The following SNX1 variants were observed in gnomAD, a reference collection of about 807,000 sequenced individuals.
SNX1 encodes sorting nexin 1.
Under a neutral mutation model 71.8 loss-of-function variants are expected in SNX1, and 36 were observed. That is an observed-to-expected ratio of 0.50 (90% CI 0.38 to 0.66). The LOEUF (loss-of-function observed/expected upper bound fraction) is 0.66, where lower values mean the gene tolerates loss of function less well. Ranked by LOEUF, SNX1 falls within the 30% of genes least tolerant of loss-of-function variation. SNX1 has a pLI of 0.00. For synonymous variants in SNX1, 254 were observed against 240.7 expected (o/e 1.06, Z -0.51); for missense variants, 612 against 646.7 (o/e 0.95, Z 0.58).
Position 64,134,854 on chromosome 15 carries a change from A to G in SNX1, c.1365+47A>G. 1 of 1,606,678 alleles carries G rather than the reference A, an allele frequency of 6.2e-7. No individual in the cohort carries two copies. Among genetic ancestry groups the G allele is most frequent in the South Asian group, 1.1e-5 (1 of 89,968 alleles). ...AGCCAGGGGTGTTCTGCTGGTTCCA[A>G]ATGAACCCAGGGCCCATCCCACCCA... is the stretch of plus-strand genomic sequence containing the variant. On this transcript the variant is annotated intron_variant, in intron 12 of 14. Transcript: ENST00000559844. The surrounding 1 kb of genome is among the most constrained non-coding windows in gnomAD (Gnocchi z 4.1).
chr15:64,119,738 A>G (rs1325952138), intron 4 of SNX1, among the ~76,000 whole-genome samples: 2 of 35,650 alleles, frequency 5.6e-5, no homozygotes, highest in Middle Eastern at 0.036. Context: ...AAAAAAAAAA[A>G]CACACACACA....
intron 1 of SNX1, 77 bp downstream of exon 1, chr15:64,096,249 G>A: frequency 2.0e-6 from 3 of 1,489,768 alleles, no homozygotes; most frequent in Non-Finnish European, 1.8e-6. Context: ...AATCGGGGAG[G>A]TTGGGCAGAG....
At chr15:64,126,984 C>T (rs1219731275) in intron 6 of SNX1, among the ~76,000 whole-genome samples, 190 bp from the exon 7 acceptor site, 1 of 152,076 alleles carries the variant, frequency 6.6e-6, no homozygotes, top group Non-Finnish European at 1.5e-5. Context: ...ACCTTCAGCA[C>T]TTAGAGACTA....
intron 4 of SNX1, among the ~76,000 whole-genome samples, chr15:64,121,203 G>C (rs763447884): frequency 1.2e-4 from 18 of 152,158 alleles, no homozygotes; most frequent in Non-Finnish European, 2.1e-4. Flanking sequence ...ACCAGGAGAG[G>C]GAACATACTG....
At chr15:64,108,592 A>C (rs1228202081) in intron 1 of SNX1, among the ~76,000 whole-genome samples, 1 of 152,142 alleles carries the variant, frequency 6.6e-6, no homozygotes, top group African/African-American at 2.4e-5. Flanking sequence ...AAACTTGATA[A>C]TGTTATTATG....
At chr15:64,126,861 T>C (rs924838820) in intron 6 of SNX1, among the ~76,000 whole-genome samples, 1 of 152,108 alleles carries the variant, frequency 6.6e-6, no homozygotes. Context: ...TACAGGTGTG[T>C]GCCACTGCGC....
intron 2 of SNX1, among the ~76,000 whole-genome samples, chr15:64,113,685 A>G (rs1413301932): frequency 6.6e-6 from 1 of 152,084 alleles, no homozygotes; most frequent in Non-Finnish European, 1.5e-5. Context: ...GCTGGATTCC[A>G]TGGCGCACAC....
At chr15:64,125,249 G>A (rs1321968654) in intron 5 of SNX1, among the ~76,000 whole-genome samples, 3 of 152,200 alleles carry the variant, frequency 2.0e-5, no homozygotes, top group Middle Eastern at 3.4e-3. Context: ...GATCACCTGA[G>A]GTCAGGAGTT....
chr15:64,107,695 G>A (rs1339770084), intron 1 of SNX1, among the ~76,000 whole-genome samples: 5 of 151,970 alleles, frequency 3.3e-5, no homozygotes, highest in Admixed American at 6.6e-5. Context: ...AACAGCCAAA[G>A]GGAGTAAGCA....
In SNX1 at chr15:64,096,186, C is replaced by A. The variant is rs753231591; in HGVS notation, c.159+14C>A. The A allele has an allele frequency of 1.3e-6, 2 of 1,547,082 alleles. No homozygotes were observed. Among genetic ancestry groups the A allele is most frequent in the Middle Eastern group, 3.7e-4 (2 of 5,412 alleles). Reference sequence around the variant, plus strand: ...GCCGCGGTGGTCGTGAGTTTGCACCCCTCGGGGTAGCAGGCGGGAGGGCAC... The same window carrying A: ...GCCGCGGTGGTCGTGAGTTTGCACCACTCGGGGTAGCAGGCGGGAGGGCAC... On this transcript the variant is annotated intron_variant, in intron 1 of 14. Transcript: ENST00000559844.
chr15:64,124,928 G>T (rs968575106), intron 5 of SNX1, among the ~76,000 whole-genome samples: 1 of 152,186 alleles, frequency 6.6e-6, no homozygotes, highest in Non-Finnish European at 1.5e-5. Flanking sequence ...TGAGTTTAAA[G>T]TGAACTCTCA....
At chr15:64,098,360 CA>C (rs1159977778) in intron 1 of SNX1, among the ~76,000 whole-genome samples, 1 of 151,982 alleles carries the variant, frequency 6.6e-6, no homozygotes, top group African/African-American at 2.4e-5. Flanking sequence ...ATTTATTTTC[CA>C]AAAAGGAACC....
Position 64,134,600 on chromosome 15 carries a change from CG to C in SNX1, c.1222-63del. On this transcript the variant is annotated intron_variant, in intron 11 of 14. Transcript: ENST00000559844. The surrounding 1 kb of genome is among the most constrained non-coding windows in gnomAD (Gnocchi z 4.1). Reference sequence around the variant, plus strand: ...GTGCAGCTGCTGGGAGAGCCTGCCTCGAGGCAGAGCCAGCAGAGCTCTTGAA... The same window carrying C: ...GTGCAGCTGCTGGGAGAGCCTGCCTCAGGCAGAGCCAGCAGAGCTCTTGAA... 1 of 1,546,254 alleles carries C rather than the reference CG, an allele frequency of 6.5e-7. No individual in the cohort carries two copies. The highest frequency in any genetic ancestry group is 8.8e-7 in the Non-Finnish European group (1 of 1,142,798).
chr15:64,135,380 G>A (rs1216135240), intron 12 of SNX1, among the ~76,000 whole-genome samples: 3 of 149,298 alleles, frequency 2.0e-5, no homozygotes, highest in Non-Finnish European at 3.0e-5. Flanking sequence ...GATTACAGGC[G>A]TGAGCCACCG....
chr15:64,124,459 A>G (rs998631289), intron 5 of SNX1, among the ~76,000 whole-genome samples: 50 of 149,320 alleles, frequency 3.3e-4, no homozygotes, highest in Admixed American at 3.1e-3. Context: ...GTGAGCCGAG[A>G]TCGCGCCACT....
intron 6 of SNX1, among the ~76,000 whole-genome samples, chr15:64,126,485 G>A (rs72755092): frequency 0.045 from 6,913 of 152,208 alleles, 202 homozygotes; most frequent in South Asian, 0.085. Context: ...ACATGATTGC[G>A]GTTGCCTCCA....
chr15:64,130,443 G>A (rs549381142), intron 10 of SNX1, 122 bp downstream of exon 10: 3 of 771,224 alleles, frequency 3.9e-6, no homozygotes, highest in Admixed American at 2.2e-5. Context: ...AGCCCACCTG[G>A]TCCTTGATGT....
chr15:64,098,434 G>A (rs1234213450), intron 1 of SNX1, among the ~76,000 whole-genome samples: 7 of 152,128 alleles, frequency 4.6e-5, no homozygotes, highest in Non-Finnish European at 8.8e-5. Context: ...CCATGCACAC[G>A]TGTAATCTCA....
chr15:64,138,743 G>T lies in SNX1; in HGVS notation c.*1125G>T, dbSNP rs1423804674. The T allele has an allele frequency of 2.6e-5, 4 of 152,796 alleles. No homozygotes were observed. The highest frequency in any genetic ancestry group is 9.7e-5 in the African/African-American group (4 of 41,438). The allele number at this position is 152,796 out of a possible 1,614,324, so 9.5% of individuals were successfully genotyped here. A position where few individuals can be genotyped will look rare whatever the true frequency, so the allele number is the denominator to read the frequency against. On this transcript the variant is annotated 3_prime_UTR_variant, in exon 15 of 15. Transcript: ENST00000559844. ...GGAGGCCAGAGTCTCGTCAGTCAAG[G>T]ATGGGCTTCCCCCTTAGCTGTGTCC... is the stretch of plus-strand genomic sequence containing the variant.
Sources: gnomAD v4.1 joint callset for allele counts (sites outside exome capture counted in the v4.1 genomes callset) on GRCh38, gnomAD v4.1.1 for gene constraint, Gnocchi (gnomAD v3.1) non-coding constraint, MANE v1.5 for transcripts, NCBI Gene and HGNC (gene_info 2026-07-23, HGNC 2026-07-21) for gene names.